DOP1B: variants seen among roughly 807,000 people sequenced by gnomAD.
The protein encoded by DOP1B is DOP1 leucine zipper like protein B, also known as protein DOP1B.
DOP1B carries 174 observed loss-of-function variants against 233.5 expected under a neutral mutation model. The ratio of observed to expected loss-of-function variants is 0.75; its 90% CI spans 0.66 to 0.85. The LOEUF is 0.85. Ranked by LOEUF, DOP1B falls within the 40% of genes least tolerant of loss-of-function variation. The probability of loss-of-function intolerance (pLI) is 0.00; values close to 1 mark genes in which losing one functional copy is unlikely to be tolerated. For missense variants in DOP1B, 2,652 were observed against 2,846.6 expected (o/e 0.93, Z 1.56); for synonymous variants, 1,190 against 1,185.6 (o/e 1.00, Z -0.08).
chr21:36,170,222 T>C, intron 2 of DOP1B: 1 of 397,806 alleles, frequency 2.5e-6, no homozygotes, highest in Non-Finnish European at 4.6e-6. Flanking sequence ...CCTGTGGTTT[T>C]GATTTGCATT....
chr21:36,257,660 ATAGATGTAGGTAGGTAGG>A lies in DOP1B; in HGVS notation c.5260-2994_5260-2977del, dbSNP rs1569055691. 2.4e-5 allele frequency among the ~76,000 whole-genome samples: 3 copies of A among 122,622 alleles called. No homozygotes were observed. In the East Asian group the frequency reaches 7.1e-4, roughly 29 times the overall value. 80.4% of individuals were successfully genotyped at this position (122,622 alleles called of 152,430 possible). On this transcript the variant is annotated intron_variant, in intron 23 of 36. Transcript: ENST00000691173. ...TAGATAGAAGTAGTTAGGTAAATAGATAGATGTAGGTAGGTAGGTAGATGTAGGTAGGTAGGTAGAGAG... is the reference window on the plus strand; with the variant it reads ...TAGATAGAAGTAGTTAGGTAAATAGATAGATGTAGGTAGGTAGGTAGAGAG...
At chr21:36,216,317 A>G (rs1322908232) in intron 9 of DOP1B, among the ~76,000 whole-genome samples, 1 of 136,274 alleles carries the variant, frequency 7.3e-6, no homozygotes, top group Non-Finnish European at 1.6e-5. Context: ...CTCAAAAAGA[A>G]AAGAAATTTG....
intron 13 of DOP1B, among the ~76,000 whole-genome samples, chr21:36,229,862 C>T (rs2066738345): frequency 6.6e-6 from 1 of 151,604 alleles, no homozygotes; most frequent in Admixed American, 6.6e-5. Context: ...GGGGTTTCAC[C>T]ATGTTGGCCA....
intron 2 of DOP1B, among the ~76,000 whole-genome samples, chr21:36,184,003 A>G (rs1215507231): frequency 6.6e-6 from 1 of 151,780 alleles, no homozygotes; most frequent in Non-Finnish European, 1.5e-5. Flanking sequence ...AGCTGGGACT[A>G]CAGGTGCGTG....
intron 2 of DOP1B, among the ~76,000 whole-genome samples, chr21:36,168,465 AT>A (rs2065937273): frequency 6.6e-6 from 1 of 151,950 alleles, no homozygotes; most frequent in South Asian, 2.1e-4. Context: ...CAGTTGCACC[AT>A]TTTACATATC....
chr21:36,193,594 G>T lies in DOP1B; in HGVS notation c.139-5476G>T, dbSNP rs369966939. On this transcript the variant is annotated intron_variant, in intron 2 of 36. Transcript: ENST00000691173. ...TTCTGCTGTTTTCTCAGTTTCCCAG[G>T]TACCATATTTTGGGGTAGCATTTCC... Among the ~76,000 whole-genome samples the T allele has an allele frequency of 5.3e-5, 8 of 152,236 alleles. No individual in the cohort carries two copies. In the East Asian group the frequency reaches 1.4e-3, roughly 26 times the overall value.
intron 21 of DOP1B, among the ~76,000 whole-genome samples, chr21:36,250,284 C>T (rs147499405): frequency 2.0e-4 from 31 of 152,298 alleles, no homozygotes; most frequent in African/African-American, 7.2e-4. Flanking sequence ...TGGGTAAATC[C>T]GTCTCTTCGA....
At chr21:36,180,663 C>T (rs1402187832) in intron 2 of DOP1B, among the ~76,000 whole-genome samples, 2 of 152,024 alleles carry the variant, frequency 1.3e-5, no homozygotes, top group Admixed American at 1.3e-4. Context: ...GGGGGATCAC[C>T]TGAGGTCAGG....
rs762571576 is a variant in DOP1B at position 36,245,101 on chromosome 21, G to T, written c.3121G>T (p.Ala1041Ser). The change falls in exon 19 of 37, where the codon GCA becomes TCA. Residue 1041 changes from alanine to serine, a missense_variant. Coordinates refer to ENST00000691173, the MANE Select transcript of DOP1B (RefSeq NM_001320714.2). This position sits in a 1 kb window ranked among gnomAD's most constrained non-coding sequence, Gnocchi z 5.5. ...GAAAACCTCTTTCAGAGAGGCATGC[G>T]CAGTGCCCGAGCCTCAGGAGAGCGG... ...RKKTSFREAC[A>S]VPEPQESGSE... 4 of 1,611,992 alleles carry T rather than the reference G, an allele frequency of 2.5e-6. No homozygotes were observed. The highest frequency in any genetic ancestry group is 4.5e-5 in the East Asian group (2 of 44,818).
intron 1 of DOP1B, among the ~76,000 whole-genome samples, chr21:36,160,924 A>G (rs2065863305): frequency 6.6e-6 from 1 of 152,246 alleles, no homozygotes. Flanking sequence ...TGCAGGCAAC[A>G]GGCAGCCCAC....
intron 18 of DOP1B, among the ~76,000 whole-genome samples, chr21:36,242,353 T>C (rs2123580324): frequency 6.6e-6 from 1 of 152,130 alleles, no homozygotes; most frequent in East Asian, 1.9e-4. Context: ...TTTGTATTTT[T>C]AGTGGAGACG....
At position 36,199,277 on chromosome 21, in the gene DOP1B, C is replaced by G. The variant is rs186400139; in HGVS notation, c.320+26C>G. On this transcript the variant is annotated intron_variant, in intron 3 of 36. Coordinates refer to ENST00000691173, the MANE Select transcript of DOP1B (RefSeq NM_001320714.2). ...GTGCGATTGCTTCTCTGCTGTGTTC[C>G]TTTTTATTACCCAAGTAACCGGTAT... The G allele has an allele frequency of 1.7e-5, 27 of 1,589,126 alleles. No individual in the cohort carries two copies. In the African/African-American group the frequency reaches 3.3e-4, roughly 19 times the overall value.
At chr21:36,276,672 CT>C (rs1219099519) in intron 27 of DOP1B, among the ~76,000 whole-genome samples, 1 of 152,014 alleles carries the variant, frequency 6.6e-6, no homozygotes, top group African/African-American at 2.4e-5. Context: ...AAAACCCCGT[CT>C]CTACTAAAAA....
intron 4 of DOP1B, among the ~76,000 whole-genome samples, chr21:36,203,988 A>C (rs995458917): frequency 1.3e-5 from 2 of 152,070 alleles, no homozygotes; most frequent in African/African-American, 4.8e-5. Context: ...GGAGATGAGG[A>C]GAGGTGAATG....
chr21:36,165,946 A>T (rs1186701335), intron 2 of DOP1B, among the ~76,000 whole-genome samples: 2 of 150,028 alleles, frequency 1.3e-5, no homozygotes, highest in African/African-American at 2.4e-5. Context: ...CGAACTCCTG[A>T]CCTCAAGTGA....
At chr21:36,238,571 T>C (rs367996622) in intron 16 of DOP1B, 30 bp from the exon 17 acceptor site, 5 of 1,605,286 alleles carry the variant, frequency 3.1e-6, no homozygotes, top group Non-Finnish European at 4.3e-6. Flanking sequence ...CAAAACCAAG[T>C]TCCTCACTCC....
intron 27 of DOP1B, among the ~76,000 whole-genome samples, chr21:36,273,403 C>G (rs1485867904): frequency 6.7e-6 from 1 of 149,258 alleles, no homozygotes; most frequent in African/African-American, 2.5e-5. Context: ...GGTGCAAACT[C>G]CATCTCAAAA....
At position 36,223,241 on chromosome 21, in the gene DOP1B, GA is replaced by G. The variant is rs1365375157; in HGVS notation, c.1265del (p.Asn422ThrfsTer11). ...SGNSLISAIK[E>X]NRNASEIVKT... ...CCTCCCCTTTTACAGTGCAATCAAG[GA>G]AAACAGAAATGCCTCTGAGATTGTC... is the stretch of plus-strand genomic sequence containing the variant. On this transcript the variant is annotated frameshift_variant, in exon 11 of 37. Coordinates refer to ENST00000691173, the MANE Select transcript of DOP1B (RefSeq NM_001320714.2). LOFTEE classifies it high-confidence loss of function. 2 of 1,600,558 alleles carry G rather than the reference GA, an allele frequency of 1.2e-6. No homozygotes were observed. The highest frequency in any genetic ancestry group is 2.3e-5 in the East Asian group (1 of 43,856).
intron 28 of DOP1B, among the ~76,000 whole-genome samples, chr21:36,277,758 A>C (rs548910616): frequency 6.7e-6 from 1 of 150,312 alleles, no homozygotes; most frequent in Non-Finnish European, 1.5e-5. Context: ...GGGTTCAAGC[A>C]GTTCTCCTGC....
Sources: allele counts gnomAD v4.1 joint callset (sites outside exome capture counted in the v4.1 genomes callset), GRCh38; gene constraint gnomAD v4.1.1; non-coding constraint Gnocchi (gnomAD v3.1); transcripts MANE v1.5; gene names NCBI Gene and HGNC (gene_info 2026-07-23, HGNC 2026-07-21).